NDUFAF2: variants seen among roughly 807,000 people sequenced by gnomAD.
The protein encoded by NDUFAF2 is NADH:ubiquinone oxidoreductase complex assembly factor 2.
NDUFAF2 carries 13 observed loss-of-function variants against 22.8 expected under a neutral mutation model. That is an observed-to-expected ratio of 0.57 (90% CI 0.37 to 0.91). The LOEUF is 0.91. Ranked by LOEUF, NDUFAF2 falls within the 40% of genes least tolerant of loss-of-function variation. The pLI is 0.01. For synonymous variants in NDUFAF2, 53 were observed against 64.2 expected (o/e 0.83, Z 0.84); for missense variants, 162 against 195.2 (o/e 0.83, Z 1.01).
chr5:61,131,203 T>TC (rs1753107617), intron 3 of NDUFAF2, among the ~76,000 whole-genome samples: 1 of 151,454 alleles, frequency 6.6e-6, no homozygotes, highest in African/African-American at 2.4e-5. Context: ...TTTTTTCTTT[T>TC]TTTTTTTTTT....
At chr5:61,069,919 A>G (rs1250253166) in intron 1 of NDUFAF2, among the ~76,000 whole-genome samples, 1 of 152,158 alleles carries the variant, frequency 6.6e-6, no homozygotes, top group Non-Finnish European at 1.5e-5. Context: ...TTGGAAAAAT[A>G]TACTGTTATA....
chr5:61,076,297 A>G (rs577338704), intron 2 of NDUFAF2, among the ~76,000 whole-genome samples: 11 of 152,292 alleles, frequency 7.2e-5, no homozygotes, highest in African/African-American at 2.6e-4. Flanking sequence ...GATGGTCGCC[A>G]TCTCCTGACC....
chr5:60,964,290 C>A (rs1750726324), intron 1 of NDUFAF2, among the ~76,000 whole-genome samples: 1 of 151,826 alleles, frequency 6.6e-6, no homozygotes, highest in Admixed American at 6.6e-5. Flanking sequence ...TTTAAATTAA[C>A]AAATAAGATG....
At chr5:60,978,091 A>AGTG (rs1380273276) in intron 1 of NDUFAF2, among the ~76,000 whole-genome samples, 1 of 152,064 alleles carries the variant, frequency 6.6e-6, no homozygotes, top group Non-Finnish European at 1.5e-5. Context: ...GGGAAGGGAG[A>AGTG]GTGCCGGGAT....
rs563513726 is a variant in NDUFAF2 at position 61,112,323 on chromosome 5, C to T, written c.258+13291C>T. Among the ~76,000 whole-genome samples the T allele has an allele frequency of 1.9e-4, 28 of 150,782 alleles. No homozygotes were observed. In the East Asian group the frequency reaches 4.4e-3, roughly 24 times the overall value. On this transcript the variant is annotated intron_variant, in intron 3 of 3. Transcript: ENST00000296597. ...CCAACTCCCTGGTTCAAGCAATTCT[C>T]CTGCCTCAGCCTCTCGAGTAGCTGG...
chr5:61,021,106 A>C (rs1751578264), intron 1 of NDUFAF2, among the ~76,000 whole-genome samples: 1 of 149,132 alleles, frequency 6.7e-6, no homozygotes, highest in Non-Finnish European at 1.5e-5. Flanking sequence ...GCATAGTATT[A>C]GTTTCCTATT....
intron 1 of NDUFAF2, among the ~76,000 whole-genome samples, chr5:60,949,772 T>C (rs1163170567): frequency 6.6e-6 from 1 of 152,256 alleles, no homozygotes. Context: ...ATCACTGATT[T>C]GTAGTTTTCA....
chr5:60,950,156 C>G (rs1212670302), intron 1 of NDUFAF2, among the ~76,000 whole-genome samples: 2 of 152,074 alleles, frequency 1.3e-5, no homozygotes, highest in Admixed American at 6.6e-5. Context: ...TTTTCTTGTT[C>G]CATATCTTAG....
At chr5:61,130,433 T>C (rs295573) in intron 3 of NDUFAF2, among the ~76,000 whole-genome samples, 95,051 of 151,878 alleles carry the variant, frequency 0.63, 30,559 homozygotes, top group East Asian at 0.94. Context: ...GCACTCTTGG[T>C]TATCATGAAA....
intron 2 of NDUFAF2, among the ~76,000 whole-genome samples, chr5:61,096,597 CAA>C (rs35508356): frequency 0.03 from 2,837 of 95,264 alleles, 34 homozygotes; most frequent in Middle Eastern, 0.072. Flanking sequence ...GACACCATTG[CAA>C]AAAAAAAAAA....
chr5:61,012,560 A>C (rs2112598492), intron 1 of NDUFAF2, among the ~76,000 whole-genome samples: 1 of 152,168 alleles, frequency 6.6e-6, no homozygotes, highest in Non-Finnish European at 1.5e-5. Flanking sequence ...GTGTACAATT[A>C]AAACTGCTTA....
At chr5:61,019,700 A>G (rs1021747436) in intron 1 of NDUFAF2, among the ~76,000 whole-genome samples, 1 of 152,112 alleles carries the variant, frequency 6.6e-6, no homozygotes, top group Admixed American at 6.6e-5. Context: ...GAGCTTTAAG[A>G]CAATAAGGAA....
At chr5:61,139,009 A>G (rs1741008522) in intron 3 of NDUFAF2, among the ~76,000 whole-genome samples, 1 of 152,220 alleles carries the variant, frequency 6.6e-6, no homozygotes, top group South Asian at 2.1e-4. Flanking sequence ...GCATATGTAG[A>G]CAATATTTAA....
chr5:61,147,610 G>A (rs985155208), intron 3 of NDUFAF2, among the ~76,000 whole-genome samples: 3 of 151,560 alleles, frequency 2.0e-5, no homozygotes, highest in African/African-American at 7.3e-5. Flanking sequence ...AGTAGATCTA[G>A]AGCAGTGCAG....
chr5:60,962,468 T>C (rs965809943), intron 1 of NDUFAF2, among the ~76,000 whole-genome samples: 3 of 152,200 alleles, frequency 2.0e-5, no homozygotes, highest in Non-Finnish European at 2.9e-5. Flanking sequence ...CTATATTATT[T>C]TCATAGACTT....
intron 1 of NDUFAF2, among the ~76,000 whole-genome samples, chr5:60,984,663 T>C (rs1419686796): frequency 6.6e-6 from 1 of 152,224 alleles, no homozygotes; most frequent in East Asian, 1.9e-4. Context: ...ATGTGGTTTT[T>C]GTTGTTGGTT....
chr5:61,118,041 CTCTT>C (rs918017015), intron 3 of NDUFAF2, among the ~76,000 whole-genome samples: 1 of 152,156 alleles, frequency 6.6e-6, no homozygotes, highest in African/African-American at 2.4e-5. Context: ...TCCTCATTCT[CTCTT>C]TCTATATGGA....
At chr5:61,116,736 G>C (rs943056276) in intron 3 of NDUFAF2, 1 of 152,050 alleles carries the variant, frequency 6.6e-6, no homozygotes, top group Non-Finnish European at 1.5e-5. Context: ...AGTGACTAAA[G>C]GAGTAAACAA....
intron 1 of NDUFAF2, among the ~76,000 whole-genome samples, chr5:61,004,500 G>C (rs941485248): frequency 3.9e-5 from 6 of 152,054 alleles, no homozygotes; most frequent in Non-Finnish European, 8.8e-5. Context: ...GAGCATTCTT[G>C]AGATTGTTAA....
Sources: gnomAD v4.1 joint callset for allele counts (sites outside exome capture counted in the v4.1 genomes callset) on GRCh38, gnomAD v4.1.1 for gene constraint, MANE v1.5 for transcripts, NCBI Gene and HGNC (gene_info 2026-07-23, HGNC 2026-07-21) for gene names.